The following TSPAN18 variants were observed in gnomAD, a reference collection of about 807,000 sequenced individuals.
The protein encoded by TSPAN18 is tetraspanin 18.
In TSPAN18, 14 loss-of-function variants were observed where a neutral mutation model predicts 27.3. The ratio of observed to expected loss-of-function variants is 0.51; its 90% CI spans 0.34 to 0.80. The LOEUF is 0.80. Ranked by LOEUF, TSPAN18 falls within the 30% of genes least tolerant of loss-of-function variation. The pLI is 0.01. For missense variants in TSPAN18, 268 were observed against 323.9 expected, an observed-to-expected ratio of 0.83 and a Z score of 1.32; for synonymous variants, 143 against 136.5, an observed-to-expected ratio of 1.05 and a Z score of -0.33.
At chr11:44,809,869 C>G (rs17722432) in intron 2 of TSPAN18, among the ~76,000 whole-genome samples, 9 of 152,156 alleles carry the variant, frequency 5.9e-5, no homozygotes, top group African/African-American at 2.2e-4. Context: ...TAAATGTTAG[C>G]TTAATGCATC....
At chr11:44,888,914 G>C (rs1382100587) in intron 3 of TSPAN18, among the ~76,000 whole-genome samples, 1 of 152,224 alleles carries the variant, frequency 6.6e-6, no homozygotes, top group East Asian at 1.9e-4. Context: ...TGTCGAGGGA[G>C]GAAAGTAATT....
intron 2 of TSPAN18, among the ~76,000 whole-genome samples, chr11:44,773,733 C>T (rs765644298): frequency 9.2e-5 from 14 of 152,138 alleles, no homozygotes; most frequent in Non-Finnish European, 1.9e-4. Context: ...GACCCTGTAG[C>T]TGAGTCCTGC....
chr11:44,817,590 C>A (rs530722378), intron 2 of TSPAN18, among the ~76,000 whole-genome samples: 1 of 152,356 alleles, frequency 6.6e-6, no homozygotes, highest in East Asian at 1.9e-4. Context: ...GAAGACCCTC[C>A]CAGCCTTGGG....
chr11:44,782,998 T>G (rs537223389), intron 2 of TSPAN18, among the ~76,000 whole-genome samples: 1 of 152,072 alleles, frequency 6.6e-6, no homozygotes, highest in Non-Finnish European at 1.5e-5. Flanking sequence ...CTGGCTAATT[T>G]TTGTATTTTT....
In TSPAN18 at chr11:44,740,555, C is replaced by T. The variant is rs141670255; in HGVS notation, c.-240+13268C>T. Among the ~76,000 whole-genome samples, 743 of 152,232 alleles carry T rather than the reference C, an allele frequency of 4.9e-3. 5 individuals carry two copies. Among genetic ancestry groups the T allele is most frequent in the African/African-American group, 0.017 (711 of 41,548 alleles). ...CTCTGCACCTAGAAGCTGATGGGGA[C>T]GTAGTGGCCGAGCTCAGAGGCTGTG... On this transcript the variant is annotated intron_variant, in intron 1 of 9. Transcript: ENST00000520358.
chr11:44,803,599 T>C (rs1856529108), intron 2 of TSPAN18, among the ~76,000 whole-genome samples: 1 of 152,130 alleles, frequency 6.6e-6, no homozygotes, highest in Non-Finnish European at 1.5e-5. Flanking sequence ...AGTTGTCTAC[T>C]GCAAGGATCC....
At chr11:44,794,581 T>G (rs1348582483) in intron 2 of TSPAN18, among the ~76,000 whole-genome samples, 2 of 151,696 alleles carry the variant, frequency 1.3e-5, no homozygotes, top group Admixed American at 6.6e-5. Flanking sequence ...GGCATGGGAA[T>G]CATTTGAACC....
chr11:44,914,670 G>A (rs1445488530), intron 5 of TSPAN18, among the ~76,000 whole-genome samples: 1 of 152,190 alleles, frequency 6.6e-6, no homozygotes, highest in East Asian at 1.9e-4. Context: ...CAGAGGTACT[G>A]CCCACCAGCT....
chr11:44,890,150 G>A (rs371284778), intron 3 of TSPAN18, among the ~76,000 whole-genome samples: 222 of 152,338 alleles, frequency 1.5e-3, no homozygotes, highest in Non-Finnish European at 2.4e-3. Context: ...GGGGAAGGAC[G>A]GGAATTGTTG....
At chr11:44,819,050 A>G (rs1458441364) in intron 2 of TSPAN18, among the ~76,000 whole-genome samples, 1 of 152,160 alleles carries the variant, frequency 6.6e-6, no homozygotes, top group Non-Finnish European at 1.5e-5. Flanking sequence ...ATTGTTTAGA[A>G]CATTCCCTGG....
intron 2 of TSPAN18, among the ~76,000 whole-genome samples, chr11:44,764,938 A>G (rs1275559972): frequency 2.0e-5 from 3 of 152,148 alleles, no homozygotes; most frequent in African/African-American, 7.2e-5. Flanking sequence ...TGCCCTCGAT[A>G]ATCTTTTGGA....
intron 2 of TSPAN18, among the ~76,000 whole-genome samples, chr11:44,831,966 C>A (rs1857163841): frequency 6.6e-6 from 1 of 152,084 alleles, no homozygotes; most frequent in Non-Finnish European, 1.5e-5. Flanking sequence ...ACCATGGCCC[C>A]TGAAATGCAG....
rs1554938023 is a variant in TSPAN18, at chr11:44,908,768, G to GGAGAAAGAAAGAAAGAAAGA, written c.64-936_64-917dup. The stretch of plus-strand genomic sequence containing the variant: ...AAAGAGAGAGAGAGAGAGAGAGAAA[G>GGAGAAAGAAAGAAAGAAAGA]GAGAAAGAAAGAAAGAAAGAAAGAA... On this transcript the variant is annotated intron_variant, in intron 4 of 9. Transcript: ENST00000520358. Among the ~76,000 whole-genome samples, 5 of 28,244 alleles carry GGAGAAAGAAAGAAAGAAAGA rather than the reference G, an allele frequency of 1.8e-4. 1 individual carries two copies. The highest frequency in any genetic ancestry group is 3.8e-4 in the Non-Finnish European group (5 of 13,134). 18.5% of individuals were successfully genotyped at this position (28,244 alleles called of 152,430 possible). A position where few individuals can be genotyped will look rare whatever the true frequency, so the allele number is the denominator to read the frequency against.
At chr11:44,868,499 G>A (rs569714525) in intron 3 of TSPAN18, among the ~76,000 whole-genome samples, 21 of 152,214 alleles carry the variant, frequency 1.4e-4, no homozygotes, top group African/African-American at 5.1e-4. Flanking sequence ...GGCGTTGGGA[G>A]CCCCATGGAG....
intron 3 of TSPAN18, among the ~76,000 whole-genome samples, chr11:44,902,350 C>T (rs1859293497): frequency 1.3e-5 from 2 of 152,226 alleles, no homozygotes; most frequent in East Asian, 3.8e-4. Flanking sequence ...CTTCAGAGCC[C>T]ATGCTTAGGA....
chr11:44,880,023 C>T (rs1009783844), intron 3 of TSPAN18, among the ~76,000 whole-genome samples: 5 of 152,150 alleles, frequency 3.3e-5, no homozygotes, highest in South Asian at 4.1e-4. Context: ...ACCAAGGAGG[C>T]GACGCTGGGG....
At chr11:44,726,557 C>T (rs1448647009), upstream of TSPAN18, 1 of 152,092 alleles carries the variant, frequency 6.6e-6, no homozygotes, top group Non-Finnish European at 1.5e-5. Context: ...CGATCAGGAC[C>T]GAGGATCTCA....
At chr11:44,903,208 A>T (rs1169879978) in intron 3 of TSPAN18, 2 of 358,542 alleles carry the variant, frequency 5.6e-6, no homozygotes, top group African/African-American at 2.1e-5. Context: ...GGAGGGGGGA[A>T]TCAGGGAAGG....
In TSPAN18 at chr11:44,908,824, A is replaced by G. The variant is rs71491854; in HGVS notation, c.64-881A>G. On this transcript the variant is annotated intron_variant, in intron 4 of 9. Coordinates refer to ENST00000520358, the MANE Select transcript of TSPAN18 (RefSeq NM_130783.5). ...GAAAGAAAGAAAGAAAGAAAGAAAG[A>G]AAGAAAAAGAAAAATGGAGCAGATA... Among the ~76,000 whole-genome samples, 12 of 146,514 alleles carry G rather than the reference A, an allele frequency of 8.2e-5. 1 individual carries two copies. The highest frequency in any genetic ancestry group is 2.1e-4 in the South Asian group (1 of 4,706).
Sources: allele counts gnomAD v4.1 joint callset (sites outside exome capture counted in the v4.1 genomes callset), GRCh38; gene constraint gnomAD v4.1.1; transcripts MANE v1.5; gene names NCBI Gene and HGNC (gene_info 2026-07-23, HGNC 2026-07-21).